Variants in BCAS3 observed in about 807,000 individuals in gnomAD.
BCAS3 encodes the protein BCAS3 microtubule associated cell migration factor.
BCAS3 carries 53 observed loss-of-function variants against 116.1 expected under a neutral mutation model. The ratio of observed to expected loss-of-function variants is 0.46; its 90% CI spans 0.37 to 0.57. BCAS3 has a LOEUF of 0.57. BCAS3 is among the 20% of genes least tolerant of loss of function. The pLI is 0.00. For missense variants in BCAS3, 917 were observed against 1,165.4 expected (o/e 0.79, Z 3.10); for synonymous variants, 391 against 408.2 (o/e 0.96, Z 0.51).
intron 14 of BCAS3, among the ~76,000 whole-genome samples, chr17:60,980,360 A>G (rs1389820160): frequency 1.3e-5 from 2 of 151,772 alleles, no homozygotes; most frequent in Non-Finnish European, 2.9e-5. Context: ...TGTGGTTTTT[A>G]TTTGCATGTC....
In BCAS3 at chr17:61,392,272, G is replaced by A; in HGVS notation, c.*147G>A. 1.0e-6 allele frequency: 1 copy of A among 965,456 alleles called. No homozygotes were observed. The highest frequency in any genetic ancestry group is 1.7e-5 in the South Asian group (1 of 58,342). 59.8% of individuals were successfully genotyped at this position (965,456 alleles called of 1,614,324 possible). A position where few individuals can be genotyped will look rare whatever the true frequency, so the allele number is the denominator to read the frequency against. On this transcript the variant is annotated 3_prime_UTR_variant, in exon 24 of 24. Coordinates refer to ENST00000407086, the MANE Select transcript of BCAS3 (RefSeq NM_017679.5). This position sits in a 1 kb window ranked among gnomAD's most constrained non-coding sequence, Gnocchi z 6.4. Reference sequence around the variant, plus strand: ...GTGACAGCAGCCGCCCATCCTACCTGGATGGAGAAGAGACCCTTCTCCAAG... The same window carrying A: ...GTGACAGCAGCCGCCCATCCTACCTAGATGGAGAAGAGACCCTTCTCCAAG...
In BCAS3 at chr17:60,924,426, C is replaced by G; in HGVS notation, c.1013C>G (p.Ser338Cys). 3.1e-6 allele frequency: 5 copies of G among 1,613,150 alleles called. No individual in the cohort carries two copies. Among genetic ancestry groups the G allele is most frequent in the Non-Finnish European group, 4.2e-6 (5 of 1,179,670 alleles). ...GTGAAGGTGCTTGTGAGTGAGGATT[C>G]TGACAGTGATGGCATTGTGGCCCAC... ...GEGQVLVSED[S>C]DSDGIVAHFP... is the part of the protein sequence containing the mutation. Residue 338 changes from serine to cysteine, a missense_variant, in exon 13 of 24, where the codon TCT becomes TGT. Ser to Cys is a moderately radical substitution (Grantham distance 112). Transcript: ENST00000407086.
chr17:61,031,185 A>G (rs2066610261), intron 16 of BCAS3, among the ~76,000 whole-genome samples: 1 of 152,006 alleles, frequency 6.6e-6, no homozygotes, highest in African/African-American at 2.4e-5. Context: ...ACAAGAGAGA[A>G]AAAAAAGGTT....
chr17:60,732,017 C>T lies in BCAS3; in HGVS notation c.322-15181C>T, dbSNP rs189741696. On this transcript the variant is annotated intron_variant, in intron 5 of 23. Transcript: ENST00000407086. Reference sequence around the variant, plus strand: ...CTCAAACTCTTAACCTCAGGTGATCCGCCAGCCTCTGCCTCCCAAAGTGCT... The same window carrying T: ...CTCAAACTCTTAACCTCAGGTGATCTGCCAGCCTCTGCCTCCCAAAGTGCT... Among the ~76,000 whole-genome samples the T allele has an allele frequency of 1.1e-4, 16 of 151,964 alleles. No individual in the cohort carries two copies. In the East Asian group the frequency reaches 1.9e-3, roughly 18 times the overall value.
At chr17:61,024,804 A>T (rs2066119008) in intron 16 of BCAS3, among the ~76,000 whole-genome samples, 1 of 151,944 alleles carries the variant, frequency 6.6e-6, no homozygotes, top group Non-Finnish European at 1.5e-5. Flanking sequence ...TTTTTGTTTC[A>T]TTTTTGCTTG....
Position 61,323,201 on chromosome 17 carries a change from G to A in BCAS3, c.2426-45126G>A, listed in dbSNP as rs544047804. ...GGGCCAGATTGTTCATTTCACAAAG[G>A]GGAGGCTTTTAAAAATGAGAAGACT... is the stretch of plus-strand genomic sequence containing the variant. On this transcript the variant is annotated intron_variant, in intron 22 of 23. Transcript: ENST00000407086. This position sits in a 1 kb window ranked among gnomAD's most constrained non-coding sequence, Gnocchi z 4.6. Among the ~76,000 whole-genome samples the A allele has an allele frequency of 1.6e-3, 247 of 152,260 alleles. 1 individual carries two copies. The highest frequency in any genetic ancestry group is 5.7e-3 in the African/African-American group (237 of 41,556).
intron 9 of BCAS3, among the ~76,000 whole-genome samples, chr17:60,881,654 T>C (rs1328310890): frequency 1.4e-5 from 2 of 141,326 alleles, no homozygotes; most frequent in East Asian, 4.3e-4. Flanking sequence ...TGTGATCTCA[T>C]TGTTCAATTC....
intron 22 of BCAS3, among the ~76,000 whole-genome samples, chr17:61,116,004 C>G (rs1362028787): frequency 6.7e-6 from 1 of 148,652 alleles, no homozygotes. Flanking sequence ...AAAAACCAAA[C>G]ACCGCATATT....
chr17:61,008,653 A>G lies in BCAS3; in HGVS notation c.1487-7098A>G, dbSNP rs1363880973. On this transcript the variant is annotated intron_variant, in intron 15 of 23. Coordinates refer to ENST00000407086, the MANE Select transcript of BCAS3 (RefSeq NM_017679.5). This position sits in a 1 kb window ranked among gnomAD's most constrained non-coding sequence, Gnocchi z 4.6. Reference sequence around the variant, plus strand: ...ACAGCAAGATATTAAAAACAGTCCAAAAGCTTTGCTCTTCTGTAGAAGACA... The same window carrying G: ...ACAGCAAGATATTAAAAACAGTCCAGAAGCTTTGCTCTTCTGTAGAAGACA... Among the ~76,000 whole-genome samples, 2 of 152,030 alleles carry G rather than the reference A, an allele frequency of 1.3e-5. No homozygotes were observed. Among genetic ancestry groups the G allele is most frequent in the African/African-American group, 4.8e-5 (2 of 41,388 alleles).
intron 15 of BCAS3, among the ~76,000 whole-genome samples, chr17:61,000,320 C>T (rs2064150789): frequency 6.6e-6 from 1 of 152,046 alleles, no homozygotes; most frequent in Admixed American, 6.6e-5. Context: ...TTTGATGCTA[C>T]TGATTACTAA....
chr17:60,887,561 T>C (rs1332137764), intron 9 of BCAS3: 2 of 152,220 alleles, frequency 1.3e-5, no homozygotes, highest in African/African-American at 4.8e-5. Flanking sequence ...GTCCAAATGC[T>C]TTTGCATTTG....
chr17:61,209,607 C>T (rs1438216206), intron 22 of BCAS3, among the ~76,000 whole-genome samples: 7 of 152,152 alleles, frequency 4.6e-5, no homozygotes, highest in South Asian at 2.1e-4. Flanking sequence ...CCATTCTTGG[C>T]GTGGCTGTGG....
At chr17:60,828,277 G>C (rs1230636156) in intron 7 of BCAS3, among the ~76,000 whole-genome samples, 1 of 152,200 alleles carries the variant, frequency 6.6e-6, no homozygotes, top group African/African-American at 2.4e-5. Context: ...GAATAAGCCT[G>C]AAAAGAGATC....
intron 6 of BCAS3, among the ~76,000 whole-genome samples, chr17:60,802,295 A>AT (rs1555724577): frequency 0.011 from 1,408 of 127,868 alleles, 14 homozygotes; most frequent in African/African-American, 0.025. Flanking sequence ...AAAAAAAAAA[A>AT]ATATATATAT....
rs1208133444 is a variant in BCAS3, at chr17:60,992,092, G to C, written c.1486+1857G>C. ...TGAATATGTGTGTACGTGTATTTGAGTACTTCTATGTAATTCTTTTGAGTA... is the reference window on the plus strand; with the variant it reads ...TGAATATGTGTGTACGTGTATTTGACTACTTCTATGTAATTCTTTTGAGTA... On this transcript the variant is annotated intron_variant, in intron 15 of 23. Coordinates refer to ENST00000407086, the MANE Select transcript of BCAS3 (RefSeq NM_017679.5). Among the ~76,000 whole-genome samples, 5 of 151,728 alleles carry C rather than the reference G, an allele frequency of 3.3e-5. No individual in the cohort carries two copies. The East Asian group carries it at 9.7e-4, about 29-fold the overall frequency.
In BCAS3 at chr17:61,068,303, C is replaced by A. The variant is rs926247177; in HGVS notation, c.2030-6617C>A. On this transcript the variant is annotated intron_variant, in intron 19 of 23. Coordinates refer to ENST00000407086, the MANE Select transcript of BCAS3 (RefSeq NM_017679.5). The surrounding 1 kb of genome is among the most constrained non-coding windows in gnomAD (Gnocchi z 4.3). ...AATTAATCTCAATCAATTATACCACCTCCAAAGTTACATCTAAATTCTCTA... is the reference window on the plus strand; with the variant it reads ...AATTAATCTCAATCAATTATACCACATCCAAAGTTACATCTAAATTCTCTA... Among the ~76,000 whole-genome samples, 6 of 152,074 alleles carry A rather than the reference C, an allele frequency of 3.9e-5. No individual in the cohort carries two copies. The highest frequency in any genetic ancestry group is 3.9e-4 in the Admixed American group (6 of 15,274).
intron 6 of BCAS3, among the ~76,000 whole-genome samples, chr17:60,782,826 G>T (rs900817421): frequency 1.8e-4 from 28 of 151,820 alleles, no homozygotes; most frequent in African/African-American, 6.5e-4. Flanking sequence ...GACCTCAGGT[G>T]ATCTGCCTGG....
chr17:61,189,157 G>A lies in BCAS3; in HGVS notation c.2425+104593G>A, dbSNP rs1332129120. On this transcript the variant is annotated intron_variant, in intron 22 of 23. Coordinates refer to ENST00000407086, the MANE Select transcript of BCAS3 (RefSeq NM_017679.5). The surrounding 1 kb of genome is among the most constrained non-coding windows in gnomAD (Gnocchi z 4.5). ...AGAGAGAGAACAGCACACTTCAAAG[G>A]GTATGGTCTTTGTTGCTATGCTCCT... is the stretch of plus-strand genomic sequence containing the variant. 1.3e-5 allele frequency among the ~76,000 whole-genome samples: 2 copies of A among 152,078 alleles called. No individual in the cohort carries two copies. The highest frequency in any genetic ancestry group is 2.9e-5 in the Non-Finnish European group (2 of 68,008).
In BCAS3 at chr17:61,386,402, G is replaced by A. The variant is rs189374933; in HGVS notation, c.2594-5575G>A. On this transcript the variant is annotated intron_variant, in intron 23 of 23. Transcript: ENST00000407086. ...GAGCTGTGGGTGCAGGGTCAGACTG[G>A]ACCCTAAGGTCTCATCCTACTCCCA... Among the ~76,000 whole-genome samples the A allele has an allele frequency of 3.3e-5, 5 of 152,328 alleles. No homozygotes were observed. The East Asian group carries it at 9.7e-4, about 29-fold the overall frequency.
Sources: allele counts gnomAD v4.1 joint callset (sites outside exome capture counted in the v4.1 genomes callset), GRCh38; gene constraint gnomAD v4.1.1; non-coding constraint Gnocchi (gnomAD v3.1); transcripts MANE v1.5; gene names NCBI Gene and HGNC (gene_info 2026-07-23, HGNC 2026-07-21).